The following GYS2 variants were observed in gnomAD, a reference collection of about 807,000 sequenced individuals.
GYS2 encodes the protein glycogen [starch] synthase, liver.
A neutral mutation model predicts 85.6 loss-of-function variants in GYS2; 80 were observed. That is an observed-to-expected ratio of 0.93 (90% CI 0.78 to 1.13). The LOEUF (loss-of-function observed/expected upper bound fraction) is 1.13. Ranked by LOEUF, GYS2 falls within the 50% of genes most tolerant of loss-of-function variation. The probability of loss-of-function intolerance (pLI) is 0.00; values close to 1 mark genes in which losing one functional copy is unlikely to be tolerated. For synonymous variants in GYS2, 328 were observed against 300.7 expected, an observed-to-expected ratio of 1.09 and a Z score of -0.94; for missense variants, 881 against 854.9, an observed-to-expected ratio of 1.03 and a Z score of -0.38.
At chr12:21,600,894 G>A (rs939132279) in intron 1 of GYS2, among the ~76,000 whole-genome samples, 3 of 152,064 alleles carry the variant, frequency 2.0e-5, no homozygotes, top group Non-Finnish European at 2.9e-5. Flanking sequence ...ATTCAGAGGT[G>A]TAGTGTCAAG....
chr12:21,551,144 A>G (rs1458107376), intron 11 of GYS2, among the ~76,000 whole-genome samples: 18 of 140,678 alleles, frequency 1.3e-4, no homozygotes, highest in South Asian at 2.7e-4. Context: ...ATATCTCCCA[A>G]TGCTATCCCT....
At chr12:21,582,068 C>T (rs1351043212) in intron 1 of GYS2, among the ~76,000 whole-genome samples, 1 of 147,088 alleles carries the variant, frequency 6.8e-6, no homozygotes, top group Admixed American at 6.8e-5. Context: ...GGATAACCTA[C>T]AGAATGAGAA....
At chr12:21,579,342 A>ACTT in intron 2 of GYS2, among the ~76,000 whole-genome samples, 2 of 133,348 alleles carry the variant, frequency 1.5e-5, no homozygotes, top group Non-Finnish European at 3.1e-5. Flanking sequence ...TTATTTTCTT[A>ACTT]CTTCTTCTTT....
At chr12:21,552,281 G>T (rs1944121489) in intron 11 of GYS2, among the ~76,000 whole-genome samples, 1 of 152,212 alleles carries the variant, frequency 6.6e-6, no homozygotes, top group Non-Finnish European at 1.5e-5. Context: ...GCAGCCCAGA[G>T]CTGAGACATG....
chr12:21,599,422 G>T (rs918455372), intron 1 of GYS2, among the ~76,000 whole-genome samples: 4 of 152,186 alleles, frequency 2.6e-5, no homozygotes, highest in African/African-American at 9.6e-5. Flanking sequence ...AGCAGCTGCA[G>T]TCTTGGCAGT....
chr12:21,586,224 G>T (rs1001095981), intron 1 of GYS2, among the ~76,000 whole-genome samples: 1 of 152,080 alleles, frequency 6.6e-6, no homozygotes, highest in Non-Finnish European at 1.5e-5. Flanking sequence ...GAAAATCCTG[G>T]ACTGGCTTAG....
rs779489389 is a variant in GYS2, at chr12:21,558,281, G to A, written c.1341C>T (p.Asn447=). The change falls in exon 11 of 16, where the codon AAC becomes AAT. Residue 447 remains asparagine, a synonymous_variant. Coordinates refer to ENST00000261195, the MANE Select transcript of GYS2 (RefSeq NM_021957.4). ...TGGGGTCGGTGGAGTCATCAATCATGTTGTGCGTGGTCACTGGGGGCAATG... is the reference window on the plus strand; with the variant it reads ...TGGGGTCGGTGGAGTCATCAATCATATTGTGCGTGGTCACTGGGGGCAATG... ...RQSLPPVTTH[N]MIDDSTDPIL... The A allele has an allele frequency of 2.4e-5, 39 of 1,613,522 alleles. No homozygotes were observed. The highest frequency in any genetic ancestry group is 3.3e-5 in the Admixed American group (2 of 60,004).
At position 21,603,235 on chromosome 12, in the gene GYS2, G is replaced by C. The variant is rs141662070; in HGVS notation, c.121+1237C>G. Among the ~76,000 whole-genome samples the C allele has an allele frequency of 2.2e-4, 34 of 152,164 alleles. No homozygotes were observed. The East Asian group carries it at 6.6e-3, about 29-fold the overall frequency. ...AAATACTTCACTTCTCTGTAATAAG[G>C]TTTCTGTCCTCCTAGATTCTTTCTC... On this transcript the variant is annotated intron_variant, in intron 1 of 15. Coordinates refer to ENST00000261195, the MANE Select transcript of GYS2 (RefSeq NM_021957.4).
intron 8 of GYS2, 47 bp from the exon 9 acceptor site, chr12:21,559,757 T>TAAATGATA: frequency 8.7e-7 from 1 of 1,152,396 alleles, no homozygotes; most frequent in Non-Finnish European, 1.3e-6. Context: ...TGACAATGTT[T>TAAATGATA]AATCTTTATT....
In GYS2 at chr12:21,565,952, T is replaced by C. The variant is rs534498552; in HGVS notation, c.824-2607A>G. Among the ~76,000 whole-genome samples, 22 of 152,270 alleles carry C rather than the reference T, an allele frequency of 1.4e-4. No individual in the cohort carries two copies. The South Asian group carries it at 1.4e-3, about 10-fold the overall frequency. On this transcript the variant is annotated intron_variant, in intron 5 of 15. Transcript: ENST00000261195. ...ATAATTGCAACACTATTAATGACTA[T>C]ATTAAAGGGAAAATGACAAATTTTT...
At chr12:21,568,166 T>A (rs1297739435) in intron 5 of GYS2, among the ~76,000 whole-genome samples, 1 of 152,142 alleles carries the variant, frequency 6.6e-6, no homozygotes, top group Non-Finnish European at 1.5e-5. Context: ...TTCAGTGTAG[T>A]TTAATCTTCT....
At chr12:21,579,646 C>G (rs185973145) in intron 2 of GYS2, among the ~76,000 whole-genome samples, 3 of 152,222 alleles carry the variant, frequency 2.0e-5, no homozygotes, top group Non-Finnish European at 4.4e-5. Flanking sequence ...TAGGCATGAG[C>G]CACCATGCCT....
intron 1 of GYS2, among the ~76,000 whole-genome samples, chr12:21,589,541 T>C (rs1363639742): frequency 1.3e-5 from 2 of 151,966 alleles, no homozygotes; most frequent in Non-Finnish European, 1.5e-5. Context: ...TAAGAGAGAA[T>C]TCTGGAATTC....
In GYS2 at chr12:21,567,189, T is replaced by C. The variant is rs551642155; in HGVS notation, c.823+1676A>G. 6.6e-5 allele frequency among the ~76,000 whole-genome samples: 10 copies of C among 152,212 alleles called. No individual in the cohort carries two copies. In the South Asian group the frequency reaches 1.9e-3, roughly 28 times the overall value. On this transcript the variant is annotated intron_variant, in intron 5 of 15. Transcript: ENST00000261195. ...AGCCAGAGTCCCAGGGGCTAATGAG[T>C]AAGTGAACCTAGCAATTATGGTTTA...
chr12:21,580,615 G>T, intron 1 of GYS2, 92 bp from the exon 2 acceptor site: 1 of 946,020 alleles, frequency 1.1e-6, no homozygotes, highest in Non-Finnish European at 1.7e-6. Flanking sequence ...TTTTAAATTA[G>T]CATTTAGGAT....
intron 1 of GYS2, among the ~76,000 whole-genome samples, chr12:21,584,899 T>C (rs939727383): frequency 6.6e-6 from 1 of 152,198 alleles, no homozygotes; most frequent in African/African-American, 2.4e-5. Context: ...AGTGGGCTCA[T>C]GCTCATGGAA....
At chr12:21,566,362 T>G (rs1413656090) in intron 5 of GYS2, among the ~76,000 whole-genome samples, 1 of 152,130 alleles carries the variant, frequency 6.6e-6, no homozygotes, top group Non-Finnish European at 1.5e-5. Context: ...TTTTTTTTTT[T>G]TCAGAATGCT....
intron 1 of GYS2, among the ~76,000 whole-genome samples, chr12:21,598,096 C>T (rs767762330): frequency 6.6e-6 from 1 of 151,966 alleles, no homozygotes; most frequent in Non-Finnish European, 1.5e-5. Flanking sequence ...TTAATGGAAA[C>T]AGGCAGTTAG....
chr12:21,583,614 C>G (rs752129540), intron 1 of GYS2, among the ~76,000 whole-genome samples: 1 of 152,182 alleles, frequency 6.6e-6, no homozygotes, highest in African/African-American at 2.4e-5. Context: ...TGAATCACAG[C>G]GGAGGCCTCT....
Sources: allele counts gnomAD v4.1 joint callset (sites outside exome capture counted in the v4.1 genomes callset), GRCh38; gene constraint gnomAD v4.1.1; transcripts MANE v1.5; gene names NCBI Gene and HGNC (gene_info 2026-07-23, HGNC 2026-07-21).